The following CHEK1 variants were observed in gnomAD, a reference collection of about 807,000 sequenced individuals.
The protein encoded by CHEK1 is checkpoint kinase 1, also known as serine/threonine-protein kinase Chk1.
Under a neutral mutation model 60.2 loss-of-function variants are expected in CHEK1, and 32 were observed. The ratio of observed to expected loss-of-function variants is 0.53; its 90% CI spans 0.40 to 0.71. The LOEUF (loss-of-function observed/expected upper bound fraction) is 0.71. CHEK1 is among the 30% of genes least tolerant of loss of function. The pLI is 0.00. For synonymous variants in CHEK1, 179 were observed against 187.2 expected (o/e 0.96, Z 0.36); for missense variants, 399 against 564.6 (o/e 0.71, Z 2.97).
downstream of CHEK1, among the ~76,000 whole-genome samples, chr11:125,660,572 G>A (rs1780757186): frequency 6.6e-6 from 1 of 151,766 alleles, no homozygotes; most frequent in South Asian, 2.1e-4. Context: ...ATTTCCTTAG[G>A]TTATATACTG....
downstream of CHEK1, among the ~76,000 whole-genome samples, chr11:125,661,902 T>C (rs543669114): frequency 6.6e-5 from 10 of 152,346 alleles, no homozygotes; most frequent in South Asian, 2.1e-3. Flanking sequence ...TACTGAGACA[T>C]CCTGTGCACC....
downstream of CHEK1, among the ~76,000 whole-genome samples, chr11:125,677,407 T>G (rs926761465): frequency 6.6e-6 from 1 of 152,214 alleles, no homozygotes; most frequent in African/African-American, 2.4e-5. Context: ...TTTGTAAAGT[T>G]ATAGCATTCT....
chr11:125,669,050 A>T (rs1031275462), intron 13 of CHEK1, among the ~76,000 whole-genome samples: 6 of 152,164 alleles, frequency 3.9e-5, no homozygotes, highest in Non-Finnish European at 1.5e-5. Context: ...ATCTACTTAC[A>T]TTAAAAAAAA....
In CHEK1 at chr11:125,625,366, A is replaced by G; in HGVS notation, c.-667A>G. 1 of 254,470 alleles carries G rather than the reference A, an allele frequency of 3.9e-6. No homozygotes were observed. The highest frequency in any genetic ancestry group is 7.6e-6 in the Non-Finnish European group (1 of 131,702). 15.8% of individuals were successfully genotyped at this position (254,470 alleles called of 1,614,324 possible). ...CTTTCTCCGGGAAACTTGCCCCGCC[A>G]CACACACTTGACTGCGTGGCCAGTT... On this transcript the variant is annotated 5_prime_UTR_variant, in exon 1 of 13. Transcript: ENST00000438015.
At chr11:125,627,493 C>T in intron 2 of CHEK1, 114 bp from the exon 3 acceptor site, 3 of 803,096 alleles carry the variant, frequency 3.7e-6, no homozygotes, top group Non-Finnish European at 3.9e-6. Context: ...TCCTTGGTTT[C>T]TCCTTTGTGG....
At chr11:125,635,270 T>A (rs1941025330) in intron 6 of CHEK1, among the ~76,000 whole-genome samples, 159 bp from the exon 7 acceptor site, 1 of 152,202 alleles carries the variant, frequency 6.6e-6, no homozygotes, top group African/African-American at 2.4e-5. Flanking sequence ...GATTCATCTA[T>A]CTTTGAAGTG....
chr11:125,630,615 C>T (rs754503058), intron 5 of CHEK1, among the ~76,000 whole-genome samples: 2 of 152,100 alleles, frequency 1.3e-5, no homozygotes, highest in Non-Finnish European at 2.9e-5. Context: ...CCAGCCTATA[C>T]ATGCTTTTTT....
At chr11:125,657,294 AGTGT>A (rs1473497323), downstream of CHEK1, 1 of 154,964 alleles carries the variant, frequency 6.5e-6, no homozygotes, top group Non-Finnish European at 1.4e-5. Context: ...TAATGTGTAC[AGTGT>A]GTGTGGTTGT....
chr11:125,627,071 G>T (rs991778910), intron 2 of CHEK1, among the ~76,000 whole-genome samples: 7 of 152,148 alleles, frequency 4.6e-5, no homozygotes, highest in African/African-American at 1.4e-4. Flanking sequence ...TGCTTCTCAG[G>T]GTTTAAGCAT....
intron 13 of CHEK1, among the ~76,000 whole-genome samples, chr11:125,673,215 T>TTC (rs1224225740): frequency 1.3e-5 from 2 of 151,100 alleles, no homozygotes; most frequent in African/African-American, 2.4e-5. Flanking sequence ...TTCTTTTCTT[T>TTC]TTTTTTTTTG....
chr11:125,637,306 A>C, intron 7 of CHEK1, 143 bp from the exon 8 acceptor site: 1 of 525,552 alleles, frequency 1.9e-6, no homozygotes, highest in Non-Finnish European at 3.2e-6. Flanking sequence ...TTAAAGCAGT[A>C]ATTTAGTAGC....
downstream of CHEK1, among the ~76,000 whole-genome samples, chr11:125,658,731 C>T (rs1347140547): frequency 3.4e-5 from 4 of 116,560 alleles, no homozygotes; most frequent in Non-Finnish European, 6.5e-5. Context: ...GTTGTGTCTC[C>T]AAAGCTGGAG....
intron 11 of CHEK1, among the ~76,000 whole-genome samples, chr11:125,648,355 G>A (rs1351339839): frequency 1.3e-5 from 2 of 152,102 alleles, no homozygotes; most frequent in East Asian, 3.9e-4. Context: ...GGCCGTTGCG[G>A]GTGGATCATG....
At chr11:125,628,715 G>T (rs1940730706) in intron 3 of CHEK1, among the ~76,000 whole-genome samples, 1 of 152,090 alleles carries the variant, frequency 6.6e-6, no homozygotes, top group African/African-American at 2.4e-5. Context: ...AAGAGTTCCA[G>T]GTTACAGTAA....
chr11:125,680,372 G>A (rs1942741740), downstream of CHEK1, among the ~76,000 whole-genome samples: 1 of 152,124 alleles, frequency 6.6e-6, no homozygotes, highest in Non-Finnish European at 1.5e-5. Context: ...ATCTTTCCTT[G>A]GCACATTAAC....
In CHEK1 at chr11:125,670,939, C is replaced by A. The variant is rs1438404355; in HGVS notation, c.*28-4989C>A. Among the ~76,000 whole-genome samples, 12 of 152,008 alleles carry A rather than the reference C, an allele frequency of 7.9e-5. No homozygotes were observed. In the East Asian group the frequency reaches 2.3e-3, roughly 29 times the overall value. ...ATAAATGGAAGCCAGAATTTTCCTA[C>A]CCTTAAATTTTTTTTTTAAGATGAG... On this transcript the variant is annotated intron_variant, in intron 13 of 13. Transcript: ENST00000428830.
chr11:125,653,934 T>G lies in CHEK1; in HGVS notation c.1335+87T>G. On this transcript the variant is annotated intron_variant, in intron 12 of 12. Transcript: ENST00000438015. The surrounding 1 kb of genome is among the most constrained non-coding windows in gnomAD (Gnocchi z 4.3). ...GCATTATGTTTGTATATATGTGGCA[T>G]TTGTAAATAGGTTACTTGCTTTTTT... is the stretch of plus-strand genomic sequence containing the variant. 1 of 694,078 alleles carries G rather than the reference T, an allele frequency of 1.4e-6. No individual in the cohort carries two copies. The allele number at this position is 694,078 out of a possible 1,614,324, so 43.0% of individuals were successfully genotyped here.
chr11:125,679,228 T>TTTTTTTTTTTTTTTTTTTTTG (rs1454887323), downstream of CHEK1, among the ~76,000 whole-genome samples: 3 of 145,560 alleles, frequency 2.1e-5, no homozygotes, highest in African/African-American at 7.7e-5. Context: ...TTTTTTTTTT[T>TTTTTTTTTTTTTTTTTTTTTG]TGTTTCAAAG....
At chr11:125,660,981 G>C (rs1392276813), downstream of CHEK1, among the ~76,000 whole-genome samples, 45 of 151,972 alleles carry the variant, frequency 3.0e-4, no homozygotes, top group Non-Finnish European at 2.2e-4. Flanking sequence ...TCTCCATGTT[G>C]GTCAGGCTGG....
Sources: gnomAD v4.1 joint callset for allele counts (sites outside exome capture counted in the v4.1 genomes callset) on GRCh38, gnomAD v4.1.1 for gene constraint, Gnocchi (gnomAD v3.1) non-coding constraint, MANE v1.5 for transcripts, NCBI Gene and HGNC (gene_info 2026-07-23, HGNC 2026-07-21) for gene names.